The following PLCE1 variants were observed in gnomAD, a reference collection of about 807,000 sequenced individuals.
PLCE1 encodes the protein phospholipase C epsilon 1, also known as 1-phosphatidylinositol 4,5-bisphosphate phosphodiesterase epsilon-1.
Under a neutral mutation model 242.8 loss-of-function variants are expected in PLCE1, and 119 were observed. The ratio of observed to expected loss-of-function variants is 0.49; its 90% confidence interval spans 0.42 to 0.57. The LOEUF is 0.57. Among genes scored for constraint, PLCE1 ranks in the 20% least tolerant of loss-of-function variants. PLCE1 has a pLI of 0.00. For missense variants in PLCE1, 2,441 were observed against 2,788.8 expected (o/e 0.88, Z 2.81); for synonymous variants, 945 against 1,017.4 (o/e 0.93, Z 1.35).
rs188148841 is a variant in PLCE1 at position 94,126,034 on chromosome 10, C to T, written c.1207-6140C>T. On this transcript the variant is annotated intron_variant, in intron 2 of 32. Transcript: ENST00000371380. ...TATGCTTGTTTTCTTTTGTTTTGGG[C>T]CTAAACTCCACATCCTAGTACTGGC... is the stretch of plus-strand genomic sequence containing the variant. 7.9e-5 allele frequency among the ~76,000 whole-genome samples: 12 copies of T among 152,238 alleles called. No homozygotes were observed. The East Asian group carries it at 2.1e-3, about 27-fold the overall frequency.
chr10:94,212,008 A>G (rs1327030558), intron 4 of PLCE1, among the ~76,000 whole-genome samples: 1 of 152,242 alleles, frequency 6.6e-6, no homozygotes, highest in Non-Finnish European at 1.5e-5. Context: ...AATACTGAAT[A>G]TTAGCTGCTT....
chr10:94,125,592 T>C (rs2046415487), intron 2 of PLCE1, among the ~76,000 whole-genome samples: 1 of 152,140 alleles, frequency 6.6e-6, no homozygotes. Context: ...CATAGAGCTG[T>C]TCTGCGGTTT....
intron 4 of PLCE1, among the ~76,000 whole-genome samples, chr10:94,172,812 G>A (rs1266063681): frequency 6.6e-6 from 1 of 152,180 alleles, no homozygotes. Context: ...GGGTGACAGA[G>A]TGAGACACCA....
At chr10:94,113,008 T>C (rs1368118594) in intron 2 of PLCE1, among the ~76,000 whole-genome samples, 1 of 152,170 alleles carries the variant, frequency 6.6e-6, no homozygotes, top group African/African-American at 2.4e-5. Flanking sequence ...AGAAGAATTA[T>C]GCCTCTTAAA....
chr10:94,325,949 A>C (rs757427323), intron 32 of PLCE1, among the ~76,000 whole-genome samples: 3 of 152,252 alleles, frequency 2.0e-5, no homozygotes, highest in African/African-American at 4.8e-5. Flanking sequence ...GCAAAATAAC[A>C]TAACAGCCTC....
At chr10:94,116,162 C>T (rs533403150) in intron 2 of PLCE1, among the ~76,000 whole-genome samples, 25 of 152,244 alleles carry the variant, frequency 1.6e-4, no homozygotes, top group African/African-American at 3.9e-4. Context: ...GTGATTCTGT[C>T]GTCATCACCT....
chr10:94,191,507 G>A (rs1215713858), intron 4 of PLCE1, among the ~76,000 whole-genome samples: 2 of 152,096 alleles, frequency 1.3e-5, no homozygotes, highest in African/African-American at 4.8e-5. Flanking sequence ...CAGGTGTGGG[G>A]TACGTGCCTG....
Position 94,306,327 on chromosome 10 carries a change from G to A in PLCE1, c.5623-100G>A. 6.3e-7 allele frequency: 1 copy of A among 1,587,416 alleles called. No individual in the cohort carries two copies. On this transcript the variant is annotated intron_variant, in intron 25 of 32. Transcript: ENST00000371380. The surrounding 1 kb of genome is among the most constrained non-coding windows in gnomAD (Gnocchi z 5.7). ...CATCATTCACTTTGTCCATTCCAGT[G>A]TTCTTGGGATTCCTTTGCAGAGGGA...
chr10:94,329,628 A>C lies in PLCE1; in HGVS notation c.*1685A>C, dbSNP rs1376561650. The C allele has an allele frequency of 6.6e-6, 1 of 152,126 alleles. No individual in the cohort carries two copies. Among genetic ancestry groups the C allele is most frequent in the Non-Finnish European group, 1.5e-5 (1 of 68,110 alleles). 9.4% of individuals were successfully genotyped at this position (152,126 alleles called of 1,614,324 possible). A position where few individuals can be genotyped will look rare whatever the true frequency, so the allele number is the denominator to read the frequency against. On this transcript the variant is annotated 3_prime_UTR_variant, in exon 33 of 33. Coordinates refer to ENST00000371380, the MANE Select transcript of PLCE1 (RefSeq NM_016341.4). ...CCCAATCTCTACTAAAAGTACAAAA[A>C]TTAGCTGAGCGTGGTGGCACGTGCC... is the stretch of plus-strand genomic sequence containing the variant.
At chr10:94,207,514 CGT>C (rs56098317) in intron 4 of PLCE1, among the ~76,000 whole-genome samples, 16,079 of 142,634 alleles carry the variant, frequency 0.11, 1,253 homozygotes, top group East Asian at 0.23. Context: ...AATAGTTATA[CGT>C]GTGTGTGTGT....
chr10:94,156,115 A>G (rs2047424879), intron 3 of PLCE1, among the ~76,000 whole-genome samples: 1 of 150,042 alleles, frequency 6.7e-6, no homozygotes, highest in East Asian at 1.9e-4. Context: ...GTGAATATTA[A>G]CAGAAAAAAA....
At position 94,298,566 on chromosome 10, in the gene PLCE1, G is replaced by A. The variant is rs2052924284; in HGVS notation, c.5355G>A (p.Leu1785=). ...KLTQHTACQL[L]RTYPAATRID... ...CCCAGCACACCGCCTGTCAGCTGCTGAGAACTTACCCTGCTGCCACCCGCA... is the reference window on the plus strand; with the variant it reads ...CCCAGCACACCGCCTGTCAGCTGCTAAGAACTTACCCTGCTGCCACCCGCA... The change falls in exon 24 of 33, where the codon CTG becomes CTA. Residue 1785 remains leucine, a synonymous_variant. Coordinates refer to ENST00000371380, the MANE Select transcript of PLCE1 (RefSeq NM_016341.4). The surrounding 1 kb of genome is among the most constrained non-coding windows in gnomAD (Gnocchi z 5.2). The A allele has an allele frequency of 1.2e-6, 2 of 1,613,998 alleles. No individual in the cohort carries two copies. Among genetic ancestry groups the A allele is most frequent in the Non-Finnish European group, 1.7e-6 (2 of 1,180,016 alleles).
chr10:94,032,304 A>G, intron 2 of PLCE1, 52 bp downstream of exon 2: 1 of 1,511,216 alleles, frequency 6.6e-7, no homozygotes, highest in Non-Finnish European at 9.1e-7. Flanking sequence ...TTTTTTTTTC[A>G]AAAAAAAGTC....
At chr10:94,116,889 G>T (rs1333811268) in intron 2 of PLCE1, among the ~76,000 whole-genome samples, 1 of 152,132 alleles carries the variant, frequency 6.6e-6, no homozygotes, top group African/African-American at 2.4e-5. Context: ...TTTGGAGAGA[G>T]TGCAATAAAA....
chr10:94,207,915 AAT>A (rs2049213635), intron 4 of PLCE1, among the ~76,000 whole-genome samples: 1 of 152,220 alleles, frequency 6.6e-6, no homozygotes, highest in African/African-American at 2.4e-5. Flanking sequence ...AATTTAAATG[AAT>A]ATGTGAACAA....
At chr10:94,259,942 A>C (rs950552369) in intron 13 of PLCE1, among the ~76,000 whole-genome samples, 3 of 152,140 alleles carry the variant, frequency 2.0e-5, no homozygotes, top group African/African-American at 7.2e-5. Flanking sequence ...AAACCATCAG[A>C]TCTCATGAGA....
chr10:94,075,503 T>C (rs2044474042), intron 2 of PLCE1, among the ~76,000 whole-genome samples: 1 of 152,234 alleles, frequency 6.6e-6, no homozygotes, highest in Non-Finnish European at 1.5e-5. Context: ...AAAGATTGAA[T>C]TCTACTGCTG....
rs1014422859 is a variant in PLCE1, at chr10:94,030,848, A to G, written c.-199A>G. On this transcript the variant is annotated 5_prime_UTR_variant, in exon 2 of 33. In the 5' UTR this introduces an upstream ATG that the reference lacks. Transcript: ENST00000371380. The stretch of plus-strand genomic sequence containing the variant: ...TAAAACCCTGATCTAGAAAAAATAT[A>G]TATTCATGATAGGAAGTTATAACTA... The G allele has an allele frequency of 3.3e-6, 2 of 601,892 alleles. No individual in the cohort carries two copies. The highest frequency in any genetic ancestry group is 3.7e-5 in the African/African-American group (2 of 53,748). The allele number at this position is 601,892 out of a possible 1,614,324, so 37.3% of individuals were successfully genotyped here.
At chr10:94,213,926 A>C (rs1450043105) in intron 4 of PLCE1, among the ~76,000 whole-genome samples, 1 of 152,158 alleles carries the variant, frequency 6.6e-6, no homozygotes, top group African/African-American at 2.4e-5. Context: ...TATATTTATC[A>C]TCGCTTTTAT....
Sources: allele counts gnomAD v4.1 joint callset (sites outside exome capture counted in the v4.1 genomes callset), GRCh38; gene constraint gnomAD v4.1.1; non-coding constraint Gnocchi (gnomAD v3.1); transcripts MANE v1.5; gene names NCBI Gene and HGNC (gene_info 2026-07-23, HGNC 2026-07-21).